Variants in CORO7 observed in about 807,000 individuals in gnomAD.
CORO7 encodes coronin-7.
In CORO7, 107 loss-of-function variants were observed where a neutral mutation model predicts 126.6. The ratio of observed to expected loss-of-function variants is 0.85; its 90% CI spans 0.72 to 0.99. CORO7 has a LOEUF of 0.99. Ranked by LOEUF, CORO7 falls within the 50% of genes least tolerant of loss-of-function variation. The probability of loss-of-function intolerance (pLI) is 0.00; values close to 1 mark genes in which losing one functional copy is unlikely to be tolerated. For missense variants in CORO7, 1,314 were observed against 1,255.8 expected (o/e 1.05, Z -0.70); for synonymous variants, 603 against 536.8 (o/e 1.12, Z -1.70).
chr16:4,361,283 G>A, intron 17 of CORO7, 35 bp from the exon 18 acceptor site: 1 of 1,611,632 alleles, frequency 6.2e-7, no homozygotes, highest in Non-Finnish European at 8.5e-7. Flanking sequence ...TCATTGCTGA[G>A]CCCAAGACCT....
chr16:4,405,186 A>G (rs2055950813), intron 6 of CORO7, among the ~76,000 whole-genome samples: 1 of 152,242 alleles, frequency 6.6e-6, no homozygotes. Flanking sequence ...TCTTGCAGAA[A>G]GGCTGGCGGT....
In CORO7 at chr16:4,362,173, AG is replaced by A; in HGVS notation, c.1403-14del. On this transcript the variant is annotated splice_polypyrimidine_tract_variant and intron_variant, in intron 15 of 27. Coordinates refer to ENST00000251166, the MANE Select transcript of CORO7 (RefSeq NM_024535.5). The surrounding 1 kb of genome is among the most constrained non-coding windows in gnomAD (Gnocchi z 5.3). ...TTGGAACTGGGGCCTGGCAGGTGGCAGGGACATGGAACCACGTGTGAGGATG... is the reference window on the plus strand; with the variant it reads ...TTGGAACTGGGGCCTGGCAGGTGGCAGGACATGGAACCACGTGTGAGGATG... 6.2e-7 allele frequency: 1 copy of A among 1,602,532 alleles called. No homozygotes were observed. The highest frequency in any genetic ancestry group is 8.5e-7 in the Non-Finnish European group (1 of 1,174,906).
chr16:4,412,744 T>G, intron 2 of CORO7: 1 of 381,218 alleles, frequency 2.6e-6, no homozygotes, highest in South Asian at 4.5e-5. Context: ...TTTTCGCACT[T>G]TTACTTGAGA....
intron 5 of CORO7, among the ~76,000 whole-genome samples, chr16:4,405,883 A>T (rs1162917072): frequency 6.6e-6 from 1 of 151,952 alleles, no homozygotes; most frequent in African/African-American, 2.4e-5. Context: ...TCCTGCCCTA[A>T]GCCTCTATTC....
At chr16:4,415,365 C>T (rs1035403616) in intron 1 of CORO7, among the ~76,000 whole-genome samples, 54 of 152,260 alleles carry the variant, frequency 3.5e-4, no homozygotes, top group Middle Eastern at 3.4e-3. Flanking sequence ...GCCATCTACT[C>T]CAGGCAGCCT....
chr16:4,355,223 T>C lies in CORO7; in HGVS notation c.2773-60A>G, dbSNP rs369172805. 3.7e-4 allele frequency: 594 copies of C among 1,600,542 alleles called. 1 individual carries two copies. In the African/African-American group the frequency reaches 5.0e-3, roughly 14 times the overall value. On this transcript the variant is annotated intron_variant, in intron 27 of 27. Transcript: ENST00000251166. Reference sequence around the variant, plus strand: ...GGAGGGCCTGGGAAGGGAGGAGGCATGCACCGTGGCATGTGCGAGGGACCG... The same window carrying C: ...GGAGGGCCTGGGAAGGGAGGAGGCACGCACCGTGGCATGTGCGAGGGACCG...
chr16:4,382,211 TG>T, intron 9 of CORO7: 1 of 1,604,326 alleles, frequency 6.2e-7, no homozygotes. Flanking sequence ...GAGAGCCAGA[TG>T]GGGCAGGGGA....
At chr16:4,380,493 T>C (rs2054918718) in intron 9 of CORO7, among the ~76,000 whole-genome samples, 1 of 152,230 alleles carries the variant, frequency 6.6e-6, no homozygotes, top group Non-Finnish European at 1.5e-5. Context: ...TTCCAGACCC[T>C]GTAGGGAGGA....
chr16:4,355,105 G>A lies in CORO7; in HGVS notation c.*53C>T, dbSNP rs139590805. 1,248 of 1,469,666 alleles carry A rather than the reference G, an allele frequency of 8.5e-4. 3 individuals are homozygous for A. Among genetic ancestry groups the A allele is most frequent in the Middle Eastern group, 3.5e-3 (14 of 3,960 alleles). The allele number at this position is 1,469,666 out of a possible 1,614,324, so 91.0% of individuals were successfully genotyped here. A position where few individuals can be genotyped will look rare whatever the true frequency, so the allele number is the denominator to read the frequency against. On this transcript the variant is annotated 3_prime_UTR_variant, in exon 28 of 28. Transcript: ENST00000251166. ...TTCCAGCTTGAGGATGAGCCGTGAG[G>A]TGTGCACTAGGAAGTGGCAGCACAG...
At chr16:4,375,740 G>A (rs1176002717) in intron 9 of CORO7, among the ~76,000 whole-genome samples, 7 of 152,184 alleles carry the variant, frequency 4.6e-5, no homozygotes, top group Non-Finnish European at 4.4e-5. Flanking sequence ...GTCCTACCTC[G>A]GCCTCCCAAA....
chr16:4,390,345 C>T (rs1034200245), intron 7 of CORO7, among the ~76,000 whole-genome samples: 3 of 152,022 alleles, frequency 2.0e-5, no homozygotes, highest in South Asian at 2.1e-4. Context: ...CTTTTGAAGA[C>T]GGCCACAAGG....
At chr16:4,392,553 G>A (rs1017109701) in intron 7 of CORO7, among the ~76,000 whole-genome samples, 69 of 152,302 alleles carry the variant, frequency 4.5e-4, no homozygotes, top group African/African-American at 1.6e-3. Context: ...TCTGGGCTCC[G>A]GGATAGCACC....
At chr16:4,414,930 C>T (rs1486731815) in intron 1 of CORO7, among the ~76,000 whole-genome samples, 5 of 152,058 alleles carry the variant, frequency 3.3e-5, no homozygotes, top group Non-Finnish European at 7.4e-5. Context: ...GGCACAATCT[C>T]GGCTCACTGC....
At chr16:4,393,489 C>A (rs1226786469) in intron 7 of CORO7, among the ~76,000 whole-genome samples, 1 of 152,166 alleles carries the variant, frequency 6.6e-6, no homozygotes. Context: ...GGAGTCCTCT[C>A]GGTCTTCAGC....
At position 4,393,838 on chromosome 16, in the gene CORO7, C is replaced by T. The variant is rs1057276901; in HGVS notation, c.615+1451G>A. On this transcript the variant is annotated intron_variant, in intron 7 of 27. Coordinates refer to ENST00000251166, the MANE Select transcript of CORO7 (RefSeq NM_024535.5). ...ATCCATGGCCAGGAGCGGTAGCTCACGTCTGTAATCCCAGCACTTTGGCAG... is the reference window on the plus strand; with the variant it reads ...ATCCATGGCCAGGAGCGGTAGCTCATGTCTGTAATCCCAGCACTTTGGCAG... Among the ~76,000 whole-genome samples the T allele has an allele frequency of 4.6e-5, 7 of 152,302 alleles. No homozygotes were observed. In the East Asian group the frequency reaches 1.4e-3, roughly 29 times the overall value.
chr16:4,366,583 C>A (rs1437158934), intron 9 of CORO7, among the ~76,000 whole-genome samples: 1 of 150,140 alleles, frequency 6.7e-6, no homozygotes, highest in Non-Finnish European at 1.5e-5. Flanking sequence ...CCTCTGTCAC[C>A]CAGGCTGGAG....
chr16:4,406,036 G>C (rs1203912883), intron 5 of CORO7, among the ~76,000 whole-genome samples: 1 of 152,202 alleles, frequency 6.6e-6, no homozygotes, highest in African/African-American at 2.4e-5. Flanking sequence ...GGCTTGCTCT[G>C]TCACCCAGGC....
intron 23 of CORO7, 65 bp from the exon 24 acceptor site, chr16:4,358,548 C>T: frequency 1.4e-6 from 2 of 1,466,638 alleles, no homozygotes; most frequent in African/African-American, 1.4e-5. Flanking sequence ...CACGTAGTCT[C>T]CCCAGGGTGC....
chr16:4,371,650 C>A (rs2054526214), intron 9 of CORO7, among the ~76,000 whole-genome samples: 1 of 152,238 alleles, frequency 6.6e-6, no homozygotes, highest in Non-Finnish European at 1.5e-5. Flanking sequence ...TCCGGCAAAC[C>A]CACGACGGGC....
Sources: allele counts gnomAD v4.1 joint callset (sites outside exome capture counted in the v4.1 genomes callset), GRCh38; gene constraint gnomAD v4.1.1; non-coding constraint Gnocchi (gnomAD v3.1); transcripts MANE v1.5; gene names NCBI Gene and HGNC (gene_info 2026-07-23, HGNC 2026-07-21).